The following MYO9A variants were observed in gnomAD, a reference collection of about 807,000 sequenced individuals.
MYO9A encodes the protein myosin IXA, also known as unconventional myosin-IXa.
A neutral mutation model predicts 293.3 loss-of-function variants in MYO9A; 103 were observed. That is an observed-to-expected ratio of 0.35 (90% CI 0.30 to 0.41). MYO9A has a LOEUF of 0.41. Ranked by LOEUF, MYO9A falls within the 10% of genes least tolerant of loss-of-function variation. MYO9A has a pLI of 1.00. For missense variants in MYO9A, 2,685 were observed against 3,033.0 expected (o/e 0.89, Z 2.69); for synonymous variants, 1,001 against 1,035.7 (o/e 0.97, Z 0.64).
chr15:71,875,809 CCTT>C lies in MYO9A; in HGVS notation c.5958_5960del (p.Arg1987del). 7.3e-7 allele frequency: 1 copy of C among 1,369,808 alleles called. No individual in the cohort carries two copies. Among genetic ancestry groups the C allele is most frequent in the Non-Finnish European group, 9.5e-7 (1 of 1,054,980 alleles). 84.9% of individuals were successfully genotyped at this position (1,369,808 alleles called of 1,614,324 possible). On this transcript the variant is annotated inframe_deletion, in exon 32 of 42. Transcript: ENST00000356056. ...AACTTACCAAATCAGTTTCCTTTTTCCTTCTTTTCTTTCTTTCTGTTTTTGGCA... is the reference window on the plus strand; with the variant it reads ...AACTTACCAAATCAGTTTCCTTTTTCCTTTTCTTTCTTTCTGTTTTTGGCA...
chr15:72,041,167 C>G (rs2078215749), intron 2 of MYO9A: 4 of 975,562 alleles, frequency 4.1e-6, no homozygotes, highest in Non-Finnish European at 6.3e-6. Context: ...ATTGCTTAAG[C>G]CAGGGAGGTT....
intron 9 of MYO9A, among the ~76,000 whole-genome samples, chr15:71,998,466 A>G (rs1345813847): frequency 6.6e-6 from 1 of 152,166 alleles, no homozygotes; most frequent in Non-Finnish European, 1.5e-5. Context: ...TTAAAAGAAG[A>G]AAAAGGTAGT....
intron 1 of MYO9A, among the ~76,000 whole-genome samples, chr15:72,106,892 T>TTACAATAGG (rs1567048170): frequency 6.6e-6 from 1 of 152,200 alleles, no homozygotes; most frequent in Non-Finnish European, 1.5e-5. Context: ...ATAGTACTAC[T>TTACAATAGG]TACAATAGGT....
At chr15:71,903,345 G>A (rs2057538459) in intron 21 of MYO9A, among the ~76,000 whole-genome samples, 1 of 152,042 alleles carries the variant, frequency 6.6e-6, no homozygotes, top group Admixed American at 6.6e-5. Flanking sequence ...CCAAAGAAAA[G>A]GGTATTTAAC....
At chr15:72,013,664 T>C (rs2077238791) in intron 6 of MYO9A, among the ~76,000 whole-genome samples, 2 of 152,236 alleles carry the variant, frequency 1.3e-5, no homozygotes, top group Non-Finnish European at 2.9e-5. Flanking sequence ...CTTTCCCATT[T>C]ACAAATGCCT....
intron 1 of MYO9A, among the ~76,000 whole-genome samples, chr15:72,058,491 T>C (rs1310889758): frequency 6.6e-6 from 1 of 152,054 alleles, no homozygotes; most frequent in Non-Finnish European, 1.5e-5. Context: ...AAGATGACAT[T>C]TCAAGTCAGC....
chr15:71,846,572 AG>A (rs1365842727), intron 39 of MYO9A, among the ~76,000 whole-genome samples: 12 of 152,244 alleles, frequency 7.9e-5, no homozygotes, highest in Admixed American at 7.2e-4. Context: ...ATTGGTTTCA[AG>A]ATGCTGTTAA....
intron 1 of MYO9A, among the ~76,000 whole-genome samples, chr15:72,075,303 A>G (rs570348880): frequency 2.0e-5 from 3 of 152,192 alleles, no homozygotes; most frequent in South Asian, 2.1e-4. Flanking sequence ...CACATATAAT[A>G]AAAATTACAG....
intron 1 of MYO9A, among the ~76,000 whole-genome samples, chr15:72,080,766 C>T (rs565026461): frequency 6.6e-6 from 1 of 152,090 alleles, no homozygotes; most frequent in Admixed American, 6.6e-5. Context: ...CTGCTCCCAC[C>T]CTCCACCTCA....
chr15:72,043,194 G>T (rs1374587654), intron 2 of MYO9A, among the ~76,000 whole-genome samples: 1 of 152,086 alleles, frequency 6.6e-6, no homozygotes, highest in African/African-American at 2.4e-5. Flanking sequence ...ATTGAAAATT[G>T]TAGAACACCA....
chr15:71,852,096 T>C (rs773297998), intron 36 of MYO9A, 36 bp downstream of exon 36: 15 of 1,582,302 alleles, frequency 9.5e-6, no homozygotes, highest in South Asian at 8.1e-5. Flanking sequence ...TTCCCAACTA[T>C]AGGCCTTCTC....
At position 71,991,147 on chromosome 15, in the gene MYO9A, G is replaced by A. The variant is rs184218886; in HGVS notation, c.1678C>T (p.Arg560Cys). The A allele has an allele frequency of 5.0e-4, 810 of 1,607,442 alleles. 9 individuals are homozygous for A. In the East Asian group the frequency reaches 0.018, roughly 35 times the overall value. Residue 560 changes from arginine (R) to cysteine (C), a missense_variant, in exon 11 of 42, where the codon CGT becomes TGT. By Grantham distance (180) the Arg-to-Cys change is radical. Transcript: ENST00000356056. Reference protein sequence around the residue: ...EQFCINFANERLQHYFNQHIF... With the variant: ...EQFCINFANECLQHYFNQHIF... ...TGCTGATTAAAGTAGTGCTGTAAAC[G>A]TTCATTAGCAAAATTAATACAGAAC...
At chr15:71,895,571 G>A (rs1428996821) in intron 25 of MYO9A, among the ~76,000 whole-genome samples, 1 of 152,156 alleles carries the variant, frequency 6.6e-6, no homozygotes, top group Non-Finnish European at 1.5e-5. Context: ...TCTGTAACAT[G>A]TGGGAACTGG....
At chr15:71,980,157 C>T (rs964506034) in intron 11 of MYO9A, among the ~76,000 whole-genome samples, 12 of 152,172 alleles carry the variant, frequency 7.9e-5, no homozygotes, top group African/African-American at 2.7e-4. Context: ...TACTGATAGA[C>T]ACTGCTCTTA....
chr15:71,899,577 A>G lies in MYO9A; in HGVS notation c.3470+110T>C, dbSNP rs564157863. ...GGTATCACAGTATAGTGGAAAAGAC[A>G]AATTGTATACAACCAATTCTAATAC... On this transcript the variant is annotated intron_variant, in intron 24 of 41. Coordinates refer to ENST00000356056, the MANE Select transcript of MYO9A (RefSeq NM_006901.4). 46 of 980,566 alleles carry G rather than the reference A, an allele frequency of 4.7e-5. No individual in the cohort carries two copies. In the East Asian group the frequency reaches 1.1e-3, roughly 24 times the overall value. 60.7% of individuals were successfully genotyped at this position (980,566 alleles called of 1,614,324 possible). A position where few individuals can be genotyped will look rare whatever the true frequency, so the allele number is the denominator to read the frequency against.
chr15:71,995,095 C>T (rs1055691381), intron 9 of MYO9A, among the ~76,000 whole-genome samples: 1 of 152,050 alleles, frequency 6.6e-6, no homozygotes, highest in African/African-American at 2.4e-5. Flanking sequence ...GTTAAAACTG[C>T]CATTAAAGAT....
intron 1 of MYO9A, among the ~76,000 whole-genome samples, chr15:72,073,065 G>A (rs28701136): frequency 1.3e-5 from 2 of 152,138 alleles, no homozygotes; most frequent in African/African-American, 4.8e-5. Context: ...GTCATGGTTA[G>A]TAATCAATTC....
At chr15:71,910,084 ACACG>A (rs2057787007) in intron 19 of MYO9A, among the ~76,000 whole-genome samples, 2 of 148,660 alleles carry the variant, frequency 1.3e-5, no homozygotes, top group African/African-American at 4.9e-5. Context: ...TTATATATAT[ACACG>A]TATATATATA....
intron 15 of MYO9A, among the ~76,000 whole-genome samples, chr15:71,950,760 T>C (rs2059030665): frequency 6.6e-6 from 1 of 152,242 alleles, no homozygotes; most frequent in Non-Finnish European, 1.5e-5. Flanking sequence ...TCTACTTATA[T>C]TCTCCTCTCA....
Sources: allele counts gnomAD v4.1 joint callset (sites outside exome capture counted in the v4.1 genomes callset), GRCh38; gene constraint gnomAD v4.1.1; transcripts MANE v1.5; gene names NCBI Gene and HGNC (gene_info 2026-07-23, HGNC 2026-07-21).